FOXP2: variants seen among roughly 807,000 people sequenced by gnomAD.
The protein encoded by FOXP2 is forkhead box protein P2.
FOXP2 carries 12 observed loss-of-function variants against 115.8 expected under a neutral mutation model. The observed-to-expected ratio is 0.10, with a 90% CI of 0.07 to 0.17. The LOEUF is 0.17. Among genes scored for constraint, FOXP2 ranks in the 10% least tolerant of loss-of-function variants. The pLI is 1.00. For missense variants in FOXP2, 629 were observed against 843.5 expected, an observed-to-expected ratio of 0.75 and a Z score of 3.15; for synonymous variants, 328 against 297.7, an observed-to-expected ratio of 1.10 and a Z score of -1.05.
intron 3 of FOXP2, among the ~76,000 whole-genome samples, chr7:114,562,967 A>G (rs1344821594): frequency 6.6e-6 from 1 of 152,200 alleles, no homozygotes; most frequent in South Asian, 2.1e-4. Flanking sequence ...ACAGTTCCAC[A>G]TGGCTGGGGA....
intron 1 of FOXP2, among the ~76,000 whole-genome samples, chr7:114,267,146 T>C (rs1167162775): frequency 6.6e-6 from 1 of 152,152 alleles, no homozygotes; most frequent in Non-Finnish European, 1.5e-5. Context: ...GAGCTTTCTA[T>C]AGAGCATGTA....
chr7:114,630,113 G>T, intron 5 of FOXP2, 108 bp downstream of exon 5: 2 of 1,585,196 alleles, frequency 1.3e-6, no homozygotes, highest in Non-Finnish European at 1.7e-6. Flanking sequence ...TGCTGTCAAA[G>T]TTGCAGTATT....
intron 2 of FOXP2, among the ~76,000 whole-genome samples, chr7:114,294,863 AATACATACATAC>A (rs1334023195): frequency 4.7e-5 from 7 of 150,236 alleles, no homozygotes; most frequent in African/African-American, 7.5e-5. Flanking sequence ...TAAATAAATA[AATACATACATAC>A]ATACATACAT....
In FOXP2 at chr7:114,691,982, G is replaced by T. The variant is rs1367319369; in HGVS notation, c.*2056G>T. ...GAAAAACATTAGAACAATTATGGCAGATTGCATGAAACGTGAGAACGTCAC... is the reference window on the plus strand; with the variant it reads ...GAAAAACATTAGAACAATTATGGCATATTGCATGAAACGTGAGAACGTCAC... On this transcript the variant is annotated 3_prime_UTR_variant, in exon 17 of 17. Transcript: ENST00000350908. 1 of 436,750 alleles carries T rather than the reference G, an allele frequency of 2.3e-6. No individual in the cohort carries two copies. Among genetic ancestry groups the T allele is most frequent in the South Asian group, 1.7e-5 (1 of 59,940 alleles). The allele number at this position is 436,750 out of a possible 1,614,324, so 27.1% of individuals were successfully genotyped here.
chr7:114,424,116 T>G (rs531689973), intron 1 of FOXP2, among the ~76,000 whole-genome samples: 1 of 151,646 alleles, frequency 6.6e-6, no homozygotes, highest in Non-Finnish European at 1.5e-5. Context: ...AAAGGAATTA[T>G]AAGTTATTTA....
chr7:114,271,525 AT>A (rs1341700190), intron 1 of FOXP2, among the ~76,000 whole-genome samples: 2 of 129,368 alleles, frequency 1.5e-5, no homozygotes, highest in Non-Finnish European at 3.2e-5. Context: ...TATTAATATA[AT>A]TATTATATTA....
intron 8 of FOXP2, among the ~76,000 whole-genome samples, chr7:114,651,783 C>G (rs561485845): frequency 6.6e-6 from 1 of 152,192 alleles, no homozygotes; most frequent in South Asian, 2.1e-4. Context: ...TAAAACATTG[C>G]TCACTAAAAT....
chr7:114,372,906 A>G (rs1353762285), intron 2 of FOXP2, among the ~76,000 whole-genome samples: 2 of 152,184 alleles, frequency 1.3e-5, no homozygotes, highest in African/African-American at 4.8e-5. Context: ...TTAAGCTCCT[A>G]TTATAAATGA....
intron 1 of FOXP2, among the ~76,000 whole-genome samples, chr7:114,256,858 T>C (rs529402682): frequency 7.6e-4 from 116 of 152,294 alleles, no homozygotes; most frequent in African/African-American, 2.8e-3. Context: ...ATAGTGAAAA[T>C]GGCCATACTG....
chr7:114,631,695 G>A lies in FOXP2; in HGVS notation c.765G>A (p.Ser255=), dbSNP rs755863369. The change falls in exon 6 of 17, where the codon TCG becomes TCA. Residue 255 remains serine (S), a synonymous_variant. Coordinates refer to ENST00000350908, the MANE Select transcript of FOXP2 (RefSeq NM_014491.4). ...PPGQAALPVQ[S]LPQAGLSPAE... ...GCCAGGCAGCACTTCCTGTCCAATC[G>A]CTGCCTCAAGGTACATACAAAATGT... 6.8e-6 allele frequency: 11 copies of A among 1,613,982 alleles called. No individual in the cohort carries two copies. Among genetic ancestry groups the A allele is most frequent in the South Asian group, 2.2e-5 (2 of 91,078 alleles).
At chr7:114,296,215 A>G (rs115147340) in intron 2 of FOXP2, among the ~76,000 whole-genome samples, 10,109 of 152,208 alleles carry the variant, frequency 0.066, 757 homozygotes, top group African/African-American at 0.19. Flanking sequence ...TCTCCAAGAG[A>G]GTAATATGAA....
intron 1 of FOXP2, among the ~76,000 whole-genome samples, chr7:114,145,481 CTTTT>C (rs1792345529): frequency 7.9e-6 from 1 of 126,138 alleles, no homozygotes; most frequent in South Asian, 2.8e-4. Flanking sequence ...CTTTTCTTTT[CTTTT>C]CTTTTCTTTT....
intron 2 of FOXP2, among the ~76,000 whole-genome samples, chr7:114,372,366 A>C (rs1423001905): frequency 1.3e-5 from 2 of 152,170 alleles, no homozygotes; most frequent in African/African-American, 2.4e-5. Flanking sequence ...ATTTTCATCC[A>C]ATCTTGTATG....
At chr7:114,128,391 C>T (rs1001303643) in intron 1 of FOXP2, among the ~76,000 whole-genome samples, 1 of 151,492 alleles carries the variant, frequency 6.6e-6, no homozygotes, top group Non-Finnish European at 1.5e-5. Flanking sequence ...CCCTAATATA[C>T]AGAGCTACTG....
intron 1 of FOXP2, among the ~76,000 whole-genome samples, chr7:114,193,440 T>C (rs1793818543): frequency 6.6e-6 from 1 of 151,822 alleles, no homozygotes. Flanking sequence ...TATATTAAAC[T>C]GTAATAATAT....
intron 2 of FOXP2, among the ~76,000 whole-genome samples, chr7:114,508,637 A>ATT (rs148242482): frequency 0.026 from 3,974 of 152,130 alleles, 170 homozygotes; most frequent in African/African-American, 0.088. Context: ...TGACCTATTA[A>ATT]GTTTTAGAAA....
chr7:114,354,823 A>C (rs1407681150), intron 2 of FOXP2, among the ~76,000 whole-genome samples: 1 of 152,208 alleles, frequency 6.6e-6, no homozygotes, highest in African/African-American at 2.4e-5. Context: ...CATTTCTGAT[A>C]GTTTTTAAAA....
chr7:114,128,427 T>C (rs1277817633), intron 1 of FOXP2, among the ~76,000 whole-genome samples: 3 of 151,862 alleles, frequency 2.0e-5, no homozygotes, highest in East Asian at 1.9e-4. Context: ...AATTTCTTTT[T>C]TTTTTTTTTG....
chr7:114,537,024 A>G (rs1196047832), intron 3 of FOXP2, among the ~76,000 whole-genome samples: 1 of 151,586 alleles, frequency 6.6e-6, no homozygotes, highest in East Asian at 1.9e-4. Context: ...AAACAGGAAT[A>G]TTAGGTAATG....
Sources: gnomAD v4.1 joint callset for allele counts (sites outside exome capture counted in the v4.1 genomes callset) on GRCh38, gnomAD v4.1.1 for gene constraint, MANE v1.5 for transcripts, NCBI Gene and HGNC (gene_info 2026-07-23, HGNC 2026-07-21) for gene names.